Variants in AOX1 observed in about 807,000 individuals in gnomAD.
AOX1 encodes aldehyde oxidase.
A neutral mutation model predicts 169.5 loss-of-function variants in AOX1; 153 were observed. The ratio of observed to expected loss-of-function variants is 0.90; its 90% CI spans 0.79 to 1.03. AOX1 has a LOEUF of 1.03. AOX1 is among the 50% of genes least tolerant of loss of function. AOX1 has a pLI of 0.00. For missense variants in AOX1, 1,656 were observed against 1,663.9 expected, an observed-to-expected ratio of 1.00 and a Z score of 0.08; for synonymous variants, 562 against 581.9, an observed-to-expected ratio of 0.97 and a Z score of 0.49.
intron 27 of AOX1, among the ~76,000 whole-genome samples, chr2:200,657,200 T>A (rs1204049829): frequency 1.7e-5 from 2 of 116,086 alleles, no homozygotes; most frequent in African/African-American, 3.4e-5. Context: ...ATTTTTTTTT[T>A]TTTTTAATTA....
At position 200,614,131 on chromosome 2, in the gene AOX1, T is replaced by A. The variant is rs77204384; in HGVS notation, c.1611+165T>A. Among the ~76,000 whole-genome samples the A allele has an allele frequency of 0.02, 3,045 of 152,298 alleles. 97 individuals are homozygous for A. The highest frequency in any genetic ancestry group is 0.07 in the African/African-American group (2,892 of 41,536). Reference sequence around the variant, plus strand: ...CCCTCAGCCTGTCTGTGGGTGGGTATGAGTTTAGGGAAGAATTGAAAGTAG... The same window carrying A: ...CCCTCAGCCTGTCTGTGGGTGGGTAAGAGTTTAGGGAAGAATTGAAAGTAG... On this transcript the variant is annotated intron_variant, in intron 15 of 34. Coordinates refer to ENST00000374700, the MANE Select transcript of AOX1 (RefSeq NM_001159.4).
downstream of AOX1, among the ~76,000 whole-genome samples, chr2:200,673,188 C>A (rs973851074): frequency 6.6e-6 from 1 of 152,174 alleles, no homozygotes; most frequent in African/African-American, 2.4e-5. Context: ...TCGAGACAGC[C>A]ATGGGCCCTC....
intron 30 of AOX1, among the ~76,000 whole-genome samples, chr2:200,662,041 A>G (rs1482663006): frequency 1.3e-5 from 2 of 152,336 alleles, no homozygotes; most frequent in East Asian, 3.9e-4. Context: ...GGATTGGCAA[A>G]AAAGAAATTG....
At chr2:200,652,742 T>C (rs1476158348) in intron 26 of AOX1, among the ~76,000 whole-genome samples, 1 of 152,164 alleles carries the variant, frequency 6.6e-6, no homozygotes, top group Non-Finnish European at 1.5e-5. Context: ...TCACCCATTT[T>C]CCTCATCAGA....
chr2:200,621,097 G>A (rs1559242092), intron 17 of AOX1, 23 bp from the exon 18 acceptor site: 2 of 1,601,978 alleles, frequency 1.2e-6, no homozygotes, highest in Admixed American at 1.8e-5. Flanking sequence ...ACTCTAAGGA[G>A]CTCTGCTGTG....
At position 200,670,972 on chromosome 2, in the gene AOX1, T is replaced by G; in HGVS notation, c.*293T>G. 3.1e-6 allele frequency: 1 copy of G among 326,238 alleles called. No individual in the cohort carries two copies. Among genetic ancestry groups the G allele is most frequent in the Non-Finnish European group, 5.6e-6 (1 of 179,698 alleles). The allele number at this position is 326,238 out of a possible 1,614,324, so 20.2% of individuals were successfully genotyped here. A position where few individuals can be genotyped will look rare whatever the true frequency, so the allele number is the denominator to read the frequency against. On this transcript the variant is annotated 3_prime_UTR_variant, in exon 35 of 35. Transcript: ENST00000374700. The stretch of plus-strand genomic sequence containing the variant: ...CCATCCAGCTAAATGGAATAGGTGA[T>G]GACTTGCATGTGACTCCTACTTGGC...
chr2:200,613,892 G>C lies in AOX1; in HGVS notation c.1537G>C (p.Glu513Gln). 1 of 1,612,718 alleles carries C rather than the reference G, an allele frequency of 6.2e-7. No homozygotes were observed. The highest frequency in any genetic ancestry group is 8.5e-7 in the Non-Finnish European group (1 of 1,179,992). The stretch of plus-strand genomic sequence containing the variant: ...GGGCTCGGCGCCAGGTGGGAAAGTG[G>C]AGTTCAAGAGGACTCTCATCATCAG... ...LLGSAPGGKV[E>Q]FKRTLIISFL... The change falls in exon 15 of 35, where the codon GAG becomes CAG. Residue 513 changes from glutamate to glutamine, a missense_variant. Glu to Gln is a conservative substitution (Grantham distance 29). Transcript: ENST00000374700.
In AOX1 at chr2:200,604,158, A is replaced by G. The variant is rs2034469263; in HGVS notation, c.669+61A>G. 8 of 1,271,056 alleles carry G rather than the reference A, an allele frequency of 6.3e-6. No individual in the cohort carries two copies. The Admixed American group carries it at 8.5e-5, about 13-fold the overall frequency. 78.7% of individuals were successfully genotyped at this position (1,271,056 alleles called of 1,614,324 possible). A position where few individuals can be genotyped will look rare whatever the true frequency, so the allele number is the denominator to read the frequency against. On this transcript the variant is annotated intron_variant, in intron 8 of 34. Coordinates refer to ENST00000374700, the MANE Select transcript of AOX1 (RefSeq NM_001159.4). ...TTCATGGTGAAATATCAGGAAGGGT[A>G]TTTGTTTATGGGTTCTCTCAAAAGC...
intron 23 of AOX1, among the ~76,000 whole-genome samples, chr2:200,638,669 T>C (rs905092294): frequency 1.3e-5 from 2 of 151,840 alleles, no homozygotes; most frequent in East Asian, 1.9e-4. Flanking sequence ...AGTAGTGTTA[T>C]GTGAAATTGC....
downstream of AOX1, among the ~76,000 whole-genome samples, chr2:200,673,204 C>T (rs911295951): frequency 2.6e-5 from 4 of 152,182 alleles, no homozygotes; most frequent in Non-Finnish European, 5.9e-5. Context: ...CCCTCTTTCC[C>T]AGTCTCTCTG....
chr2:200,673,390 C>T (rs1272841319), downstream of AOX1, among the ~76,000 whole-genome samples: 7 of 152,336 alleles, frequency 4.6e-5, no homozygotes, highest in Middle Eastern at 3.4e-3. Context: ...AGGCCGGAAA[C>T]GGGAAATGAT....
At chr2:200,672,715 A>G (rs1277798818), downstream of AOX1, among the ~76,000 whole-genome samples, 2 of 152,224 alleles carry the variant, frequency 1.3e-5, no homozygotes, top group South Asian at 4.1e-4. Context: ...AAGAAGTAGA[A>G]GTGGAGCAGG....
intron 1 of AOX1, among the ~76,000 whole-genome samples, chr2:200,591,744 A>G (rs2034177163): frequency 6.6e-6 from 1 of 152,162 alleles, no homozygotes; most frequent in Non-Finnish European, 1.5e-5. Context: ...AGGCATATAC[A>G]TGAGACGATC....
chr2:200,609,203 A>C (rs1375658539), intron 11 of AOX1, 68 bp downstream of exon 11: 9 of 1,598,340 alleles, frequency 5.6e-6, no homozygotes, highest in Non-Finnish European at 7.7e-6. Context: ...GAATCATGAC[A>C]TTTTCATTCT....
At chr2:200,591,615 A>G (rs933895465) in intron 1 of AOX1, among the ~76,000 whole-genome samples, 1 of 152,080 alleles carries the variant, frequency 6.6e-6, no homozygotes, top group Non-Finnish European at 1.5e-5. Flanking sequence ...TAAAAAGCAC[A>G]TTTTCTGGTT....
At chr2:200,612,856 C>A (rs2105711233) in intron 14 of AOX1, 63 bp downstream of exon 14, 1 of 1,374,720 alleles carries the variant, frequency 7.3e-7, no homozygotes, top group East Asian at 2.3e-5. Flanking sequence ...ATTAGAGGAG[C>A]CCTTTTTGTG....
At chr2:200,630,478 A>G (rs1304764629) in intron 20 of AOX1, among the ~76,000 whole-genome samples, 2 of 151,344 alleles carry the variant, frequency 1.3e-5, no homozygotes, top group Non-Finnish European at 2.9e-5. Flanking sequence ...AGACAAGATC[A>G]GGCCACTGTA....
intron 16 of AOX1, among the ~76,000 whole-genome samples, chr2:200,619,828 TC>T (rs1293610499): frequency 1.4e-4 from 21 of 152,262 alleles, no homozygotes; most frequent in African/African-American, 4.8e-4. Context: ...TTATATTTCC[TC>T]ACTCAAAATT....
chr2:200,627,475 A>G (rs1402246049), intron 20 of AOX1, 26 bp downstream of exon 20: 1 of 1,497,718 alleles, frequency 6.7e-7, no homozygotes, highest in Non-Finnish European at 9.3e-7. Flanking sequence ...AGAGTAAACA[A>G]CCCTGGAAGT....
Sources: allele counts gnomAD v4.1 joint callset (sites outside exome capture counted in the v4.1 genomes callset), GRCh38; gene constraint gnomAD v4.1.1; transcripts MANE v1.5; gene names NCBI Gene and HGNC (gene_info 2026-07-23, HGNC 2026-07-21).